NEGR1: variants seen among roughly 807,000 people sequenced by gnomAD.
NEGR1 encodes IgLON family member 4.
NEGR1 carries 10 observed loss-of-function variants against 40.9 expected under a neutral mutation model. The ratio of observed to expected loss-of-function variants is 0.24; its 90% confidence interval spans 0.15 to 0.42. The LOEUF is 0.42. Among genes scored for constraint, NEGR1 ranks in the 10% least tolerant of loss-of-function variants. NEGR1 has a pLI of 1.00. For missense variants in NEGR1, 352 were observed against 438.9 expected, an observed-to-expected ratio of 0.80 and a Z score of 1.77; for synonymous variants, 185 against 166.8, an observed-to-expected ratio of 1.11 and a Z score of -0.84.
intron 3 of NEGR1, among the ~76,000 whole-genome samples, chr1:71,721,683 C>T (rs983394136): frequency 6.6e-6 from 1 of 152,036 alleles, no homozygotes; most frequent in East Asian, 1.9e-4. Context: ...CAGTAGCAGT[C>T]AACACTCAAC....
chr1:72,077,025 G>T (rs1240623635), intron 1 of NEGR1, among the ~76,000 whole-genome samples: 1 of 150,418 alleles, frequency 6.6e-6, no homozygotes, highest in Non-Finnish European at 1.5e-5. Context: ...CTCCTGAATA[G>T]GTAGGTCTAC....
chr1:71,640,861 CAA>C (rs1165370102), intron 4 of NEGR1, among the ~76,000 whole-genome samples: 1 of 151,902 alleles, frequency 6.6e-6, no homozygotes, highest in Non-Finnish European at 1.5e-5. Flanking sequence ...ATTCCCAACA[CAA>C]AAAGTGCCCA....
chr1:71,568,918 A>ATT (rs1301098957), intron 6 of NEGR1, among the ~76,000 whole-genome samples: 3 of 119,790 alleles, frequency 2.5e-5, no homozygotes, highest in Non-Finnish European at 5.4e-5. Context: ...TCCTTTTGTA[A>ATT]TTTTTTTTTT....
At chr1:71,633,903 A>G (rs1028139845) in intron 4 of NEGR1, among the ~76,000 whole-genome samples, 1 of 152,058 alleles carries the variant, frequency 6.6e-6, no homozygotes, top group African/African-American at 2.4e-5. Context: ...TGACTGGAAT[A>G]TAGGTTCACT....
intron 1 of NEGR1, among the ~76,000 whole-genome samples, chr1:72,099,589 C>G (rs987583071): frequency 6.6e-6 from 1 of 151,912 alleles, no homozygotes; most frequent in African/African-American, 2.4e-5. Context: ...ATCACTCGCT[C>G]TGGTCCTGGT....
chr1:71,833,859 C>A (rs921005165), intron 2 of NEGR1, among the ~76,000 whole-genome samples: 1 of 152,094 alleles, frequency 6.6e-6, no homozygotes, highest in Non-Finnish European at 1.5e-5. Context: ...ATAAGCATAG[C>A]ATTTAAACTA....
intron 1 of NEGR1, among the ~76,000 whole-genome samples, chr1:72,124,773 T>C (rs1318187461): frequency 6.6e-6 from 1 of 152,012 alleles, no homozygotes; most frequent in Non-Finnish European, 1.5e-5. Flanking sequence ...GAATTGCTAA[T>C]AAAAAACTGA....
At chr1:71,827,524 C>CA (rs1324916940) in intron 2 of NEGR1, among the ~76,000 whole-genome samples, 6 of 151,504 alleles carry the variant, frequency 4.0e-5, no homozygotes, top group Non-Finnish European at 7.4e-5. Flanking sequence ...ATGGAAAATA[C>CA]AAAAAAAGAG....
chr1:71,844,041 C>T (rs1659325390), intron 2 of NEGR1, among the ~76,000 whole-genome samples: 1 of 152,092 alleles, frequency 6.6e-6, no homozygotes, highest in South Asian at 2.1e-4. Flanking sequence ...TCAGACCAAT[C>T]CCAATGATAA....
chr1:71,882,576 A>C (rs1401751585), intron 2 of NEGR1, among the ~76,000 whole-genome samples: 1 of 152,070 alleles, frequency 6.6e-6, no homozygotes. Context: ...CAATGTGTAA[A>C]ATTTTTAGTT....
intron 1 of NEGR1, among the ~76,000 whole-genome samples, chr1:72,013,017 T>C (rs1646673206): frequency 6.6e-6 from 1 of 151,708 alleles, no homozygotes; most frequent in South Asian, 2.1e-4. Context: ...TATTTTAATA[T>C]GAATAGCATG....
intron 6 of NEGR1, among the ~76,000 whole-genome samples, chr1:71,541,250 G>T (rs2101457335): frequency 6.6e-6 from 1 of 151,508 alleles, no homozygotes; most frequent in African/African-American, 2.4e-5. Flanking sequence ...GAGAGATCTA[G>T]CACAGTGACT....
At chr1:72,196,249 A>C (rs1163443588) in intron 1 of NEGR1, among the ~76,000 whole-genome samples, 1 of 152,032 alleles carries the variant, frequency 6.6e-6, no homozygotes, top group Non-Finnish European at 1.5e-5. Flanking sequence ...GGGATTTTTA[A>C]ATTAGGGATG....
chr1:71,763,967 C>T (rs1255853926), intron 3 of NEGR1, among the ~76,000 whole-genome samples: 1 of 152,102 alleles, frequency 6.6e-6, no homozygotes, highest in East Asian at 1.9e-4. Context: ...TTGTGCCAAG[C>T]CTTGTGCTAA....
At chr1:71,865,555 AACACATGG>A (rs1490693565) in intron 2 of NEGR1, among the ~76,000 whole-genome samples, 9 of 152,116 alleles carry the variant, frequency 5.9e-5, no homozygotes, top group Admixed American at 5.9e-4. Context: ...GAACAATAAG[AACACATGG>A]ACACAGGGAG....
chr1:71,654,406 TAATACCGAAAGCTAGG>T (rs1651815330), intron 4 of NEGR1, among the ~76,000 whole-genome samples: 1 of 152,124 alleles, frequency 6.6e-6, no homozygotes, highest in African/African-American at 2.4e-5. Context: ...AAAATATTAA[TAATACCGAAAGCTAGG>T]GGTTGGAAGT....
At chr1:72,058,945 A>T (rs1399661422) in intron 1 of NEGR1, among the ~76,000 whole-genome samples, 1 of 151,534 alleles carries the variant, frequency 6.6e-6, no homozygotes, top group Non-Finnish European at 1.5e-5. Context: ...CTTTATTTCT[A>T]TTGTGGGGAT....
At chr1:72,015,961 T>C (rs1430765335) in intron 1 of NEGR1, among the ~76,000 whole-genome samples, 3 of 152,198 alleles carry the variant, frequency 2.0e-5, no homozygotes, top group African/African-American at 7.2e-5. Context: ...ACATTTTGTC[T>C]GATCCAAAGA....
chr1:72,121,000 C>T lies in NEGR1; in HGVS notation c.176+161319G>A, dbSNP rs1005043959. On this transcript the variant is annotated intron_variant, in intron 1 of 6. Transcript: ENST00000357731. ...TGGAAATTTACAACAAATGTTTGCA[C>T]TTTTATGTAGATTGACTCTATTTAA... Among the ~76,000 whole-genome samples the T allele has an allele frequency of 4.6e-5, 7 of 152,032 alleles. No homozygotes were observed. The South Asian group carries it at 1.5e-3, about 32-fold the overall frequency.
Sources: allele counts gnomAD v4.1 joint callset (sites outside exome capture counted in the v4.1 genomes callset), GRCh38; gene constraint gnomAD v4.1.1; transcripts MANE v1.5; gene names NCBI Gene and HGNC (gene_info 2026-07-23, HGNC 2026-07-21).